The following DLC1 variants were observed in gnomAD, a reference collection of about 807,000 sequenced individuals.
DLC1 encodes the protein rho GTPase-activating protein 7.
A neutral mutation model predicts 140.3 loss-of-function variants in DLC1; 54 were observed. The ratio of observed to expected loss-of-function variants is 0.38; its 90% CI spans 0.31 to 0.48. DLC1 has a LOEUF of 0.48. DLC1 is among the 20% of genes least tolerant of loss of function. The pLI is 0.96. For synonymous variants in DLC1, 986 were observed against 728.1 expected, an observed-to-expected ratio of 1.35 and a Z score of -5.70; for missense variants, 2,536 against 1,907.0, an observed-to-expected ratio of 1.33 and a Z score of -6.14.
chr8:13,172,088 C>T (rs1022379916), intron 5 of DLC1, among the ~76,000 whole-genome samples: 1 of 152,176 alleles, frequency 6.6e-6, no homozygotes, highest in Non-Finnish European at 1.5e-5. Context: ...ATCTATATGG[C>T]ATTATTCTTA....
chr8:13,109,718 T>C (rs1819907555), intron 7 of DLC1, among the ~76,000 whole-genome samples: 1 of 151,914 alleles, frequency 6.6e-6, no homozygotes, highest in South Asian at 2.1e-4. Flanking sequence ...ACCCAGTCTC[T>C]ACTGAAAATA....
intron 5 of DLC1, chr8:13,276,688 G>A: frequency 2.2e-6 from 2 of 913,222 alleles, no homozygotes; most frequent in Non-Finnish European, 2.7e-6. Context: ...GCAACCCAAT[G>A]ACTCACCTGG....
chr8:13,398,053 C>A (rs935270834), intron 3 of DLC1, among the ~76,000 whole-genome samples: 13 of 152,100 alleles, frequency 8.5e-5, no homozygotes, highest in Admixed American at 2.6e-4. Flanking sequence ...ATTGCTTGAA[C>A]CAGGGAGGCA....
At chr8:13,500,221 G>GT in intron 1 of DLC1, 25 bp from the exon 2 acceptor site, 1 of 650,068 alleles carries the variant, frequency 1.5e-6, no homozygotes, top group South Asian at 2.4e-5. Context: ...AAAAAAATAT[G>GT]TAGTCGCAGA....
At chr8:13,181,129 T>A (rs375760588) in intron 5 of DLC1, among the ~76,000 whole-genome samples, 1 of 152,146 alleles carries the variant, frequency 6.6e-6, no homozygotes, top group East Asian at 1.9e-4. Flanking sequence ...ATTCCCATGG[T>A]GTCCCCCTTG....
At chr8:13,325,449 TACACAC>T (rs1554497506) in intron 4 of DLC1, among the ~76,000 whole-genome samples, 20 of 38,296 alleles carry the variant, frequency 5.2e-4, no homozygotes, top group South Asian at 1.6e-3. Flanking sequence ...TAGTTCTGTA[TACACAC>T]ACACACACAC....
chr8:13,224,002 T>C (rs1480091054), intron 5 of DLC1, among the ~76,000 whole-genome samples: 1 of 152,212 alleles, frequency 6.6e-6, no homozygotes, highest in Non-Finnish European at 1.5e-5. Context: ...GCAACTATTT[T>C]ACCTTAAGTT....
chr8:13,469,718 T>C (rs1378153641), intron 2 of DLC1, among the ~76,000 whole-genome samples: 1 of 152,234 alleles, frequency 6.6e-6, no homozygotes, highest in Non-Finnish European at 1.5e-5. Context: ...ATTATTGAGA[T>C]ATATAGACTA....
At chr8:13,257,114 A>C (rs1429686090) in intron 5 of DLC1, among the ~76,000 whole-genome samples, 1 of 152,116 alleles carries the variant, frequency 6.6e-6, no homozygotes, top group Admixed American at 6.5e-5. Flanking sequence ...CACTGCAATC[A>C]GGATGCCACA....
At chr8:13,269,931 G>C (rs1830859795) in intron 5 of DLC1, among the ~76,000 whole-genome samples, 1 of 151,036 alleles carries the variant, frequency 6.6e-6, no homozygotes, top group African/African-American at 2.4e-5. Flanking sequence ...GGTGGGCATG[G>C]TGGCGGGCGC....
intron 2 of DLC1, among the ~76,000 whole-genome samples, chr8:13,445,576 C>A (rs540042782): frequency 1.3e-3 from 201 of 152,284 alleles, no homozygotes; most frequent in African/African-American, 4.8e-3. Flanking sequence ...AAGAGCAGAG[C>A]ACTTGGTCAA....
At chr8:13,427,668 C>T (rs1472548032) in intron 2 of DLC1, among the ~76,000 whole-genome samples, 2 of 152,152 alleles carry the variant, frequency 1.3e-5, no homozygotes, top group African/African-American at 4.8e-5. Context: ...CGTGGAATTA[C>T]TCAGTCTTTT....
chr8:13,489,797 G>C (rs1447580806), intron 2 of DLC1, among the ~76,000 whole-genome samples: 1 of 152,112 alleles, frequency 6.6e-6, no homozygotes, highest in African/African-American at 2.4e-5. Flanking sequence ...TATGCTGGCT[G>C]CTTATATATG....
chr8:13,227,230 TGTA>T (rs1828835210), intron 5 of DLC1, among the ~76,000 whole-genome samples: 1 of 152,224 alleles, frequency 6.6e-6, no homozygotes, highest in African/African-American at 2.4e-5. Context: ...TTCTTCCAAG[TGTA>T]GTCTCACCTA....
At chr8:13,455,275 C>A (rs1799331001) in intron 2 of DLC1, among the ~76,000 whole-genome samples, 1 of 152,178 alleles carries the variant, frequency 6.6e-6, no homozygotes, top group African/African-American at 2.4e-5. Context: ...ATCCATTGCA[C>A]ACAATTGCCT....
intron 2 of DLC1, among the ~76,000 whole-genome samples, chr8:13,424,761 G>A (rs1360488966): frequency 6.6e-6 from 1 of 151,988 alleles, no homozygotes; most frequent in Non-Finnish European, 1.5e-5. Flanking sequence ...TGTTAGTAGA[G>A]ACGGGGTTTC....
intron 5 of DLC1, among the ~76,000 whole-genome samples, chr8:13,246,679 CCA>C (rs1046580738): frequency 6.6e-6 from 1 of 151,248 alleles, no homozygotes; most frequent in African/African-American, 2.4e-5. Flanking sequence ...TTCTACGCGA[CCA>C]CATTCCATCA....
intron 5 of DLC1, among the ~76,000 whole-genome samples, chr8:13,147,816 C>T (rs1014360875): frequency 3.3e-5 from 5 of 152,010 alleles, no homozygotes; most frequent in Non-Finnish European, 5.9e-5. Flanking sequence ...GGTGAAACCC[C>T]GTCTCTACTA....
At chr8:13,169,795 G>C (rs148143273) in intron 5 of DLC1, among the ~76,000 whole-genome samples, 12 of 152,034 alleles carry the variant, frequency 7.9e-5, no homozygotes, top group Middle Eastern at 3.2e-3. Flanking sequence ...AGGCCAAGGT[G>C]GGGGGGTTGT....
Sources: allele counts gnomAD v4.1 joint callset (sites outside exome capture counted in the v4.1 genomes callset), GRCh38; gene constraint gnomAD v4.1.1; transcripts MANE v1.5; gene names NCBI Gene and HGNC (gene_info 2026-07-23, HGNC 2026-07-21).